Variants in RIMOC1 observed in about 807,000 individuals in gnomAD.
The protein encoded by RIMOC1 is RAB7A interacting MON1-CCZ1 complex subunit 1, also known as RAB7A-interacting MON1-CCZ1 complex subunit 1.
chr5:41,911,384 G>A, the RIMOC1 span: 19 of 357,252 alleles, frequency 5.3e-5, no homozygotes, highest in Admixed American at 1.4e-4. Flanking sequence ...TGTAATCTGC[G>A]AAGTTCTTTT....
At chr5:41,912,100 A>G in the RIMOC1 span, 1 of 1,611,192 alleles carries the variant, frequency 6.2e-7, no homozygotes, top group East Asian at 2.2e-5. Flanking sequence ...TACTTGCTAC[A>G]GATGCTAAAT....
At chr5:41,917,214 T>G in the RIMOC1 span, 1 of 1,613,742 alleles carries the variant, frequency 6.2e-7, no homozygotes, top group South Asian at 1.1e-5. Flanking sequence ...TATGTATCTG[T>G]GTGTGAAGGA....
chr5:41,905,410 A>G, the RIMOC1 span, among the ~76,000 whole-genome samples: 1 of 152,198 alleles, frequency 6.6e-6, no homozygotes, highest in East Asian at 1.9e-4. Context: ...TAGTGGGACA[A>G]CAGGCGCACA....
the RIMOC1 span, among the ~76,000 whole-genome samples, chr5:41,914,586 A>G: frequency 1.3e-5 from 2 of 151,550 alleles, no homozygotes; most frequent in African/African-American, 2.4e-5. Flanking sequence ...ATAGTGAGAC[A>G]TCATCTCTGC....
At chr5:41,910,999 T>G in the RIMOC1 span, 1 of 1,582,222 alleles carries the variant, frequency 6.3e-7, no homozygotes, top group Non-Finnish European at 8.6e-7. Flanking sequence ...TCAACTTTTA[T>G]AGACATCCAG....
chr5:41,909,509 GGAAA>G, the RIMOC1 span, among the ~76,000 whole-genome samples: 1 of 151,790 alleles, frequency 6.6e-6, no homozygotes, highest in Middle Eastern at 3.2e-3. Flanking sequence ...CTTTTTTGAG[GGAAA>G]GAAAGATTAT....
the RIMOC1 span, among the ~76,000 whole-genome samples, chr5:41,913,322 T>A: frequency 6.6e-6 from 1 of 152,184 alleles, no homozygotes; most frequent in African/African-American, 2.4e-5. Context: ...AAATTAAGAT[T>A]CTTTACTAAG....
At chr5:41,912,008 T>G in the RIMOC1 span, 1 of 1,010,424 alleles carries the variant, frequency 9.9e-7, no homozygotes. Flanking sequence ...ATATTAGTAT[T>G]TGAAGTTTAT....
At chr5:41,914,448 C>T in the RIMOC1 span, among the ~76,000 whole-genome samples, 106 of 143,382 alleles carry the variant, frequency 7.4e-4, 1 homozygote, top group African/African-American at 2.7e-3. Context: ...TAGAGCCAGA[C>T]TCTGTCTCAA....
the RIMOC1 span, chr5:41,918,435 G>C: frequency 1.0e-6 from 1 of 985,356 alleles, no homozygotes; most frequent in East Asian, 1.1e-4. Flanking sequence ...CCCCTTTCAG[G>C]CTTTCTTCCC....
At chr5:41,906,951 G>C in the RIMOC1 span, among the ~76,000 whole-genome samples, 1 of 152,146 alleles carries the variant, frequency 6.6e-6, no homozygotes, top group East Asian at 1.9e-4. Context: ...GATTATGGGT[G>C]TATCTAAATT....
At chr5:41,912,043 A>G in the RIMOC1 span, 22 of 1,331,422 alleles carry the variant, frequency 1.7e-5, no homozygotes, top group Middle Eastern at 1.8e-4. Context: ...AATACTTTCA[A>G]TTCTTTGGCT....
the RIMOC1 span, among the ~76,000 whole-genome samples, chr5:41,912,380 G>C: frequency 6.6e-6 from 1 of 152,142 alleles, no homozygotes; most frequent in Non-Finnish European, 1.5e-5. Flanking sequence ...CTAATCCCTT[G>C]TGTTTAGTAA....
chr5:41,911,421 T>C, the RIMOC1 span: 1 of 243,268 alleles, frequency 4.1e-6, no homozygotes, highest in Non-Finnish European at 7.7e-6. Context: ...GTTTTAAATA[T>C]AAGATAAACT....
the RIMOC1 span, among the ~76,000 whole-genome samples, chr5:41,907,284 G>A: frequency 4.3e-3 from 658 of 152,238 alleles, 2 homozygotes; most frequent in Non-Finnish European, 7.5e-3. Context: ...ATTTTGTAAG[G>A]AATTTGATTT....
At chr5:41,913,310 T>A in the RIMOC1 span, among the ~76,000 whole-genome samples, 1 of 152,174 alleles carries the variant, frequency 6.6e-6, no homozygotes, top group Non-Finnish European at 1.5e-5. Context: ...CCATCCCAAA[T>A]AAAATTAAGA....
chr5:41,920,303 T>C, the RIMOC1 span: 1 of 152,240 alleles, frequency 6.6e-6, no homozygotes, highest in East Asian at 1.9e-4. Context: ...CTCTGGTGTA[T>C]TATAGAATAA....
the RIMOC1 span, among the ~76,000 whole-genome samples, chr5:41,913,954 A>G: frequency 6.6e-6 from 1 of 152,220 alleles, no homozygotes; most frequent in African/African-American, 2.4e-5. Flanking sequence ...AGAGGCATTG[A>G]AAATGGCTTT....
the RIMOC1 span, chr5:41,917,077 A>T: frequency 6.2e-7 from 1 of 1,613,682 alleles, no homozygotes; most frequent in East Asian, 2.2e-5. Flanking sequence ...GTTACTGGGG[A>T]TCGAAGTATT....
Sources: allele counts gnomAD v4.1 joint callset (sites outside exome capture counted in the v4.1 genomes callset), GRCh38; gene constraint gnomAD v4.1.1; transcripts MANE v1.5; gene names NCBI Gene and HGNC (gene_info 2026-07-23, HGNC 2026-07-21).